LRRK2: variants seen among roughly 807,000 people sequenced by gnomAD.
LRRK2 encodes the protein leucine-rich repeat serine/threonine-protein kinase 2.
A neutral mutation model predicts 302.6 loss-of-function variants in LRRK2; 203 were observed. The ratio of observed to expected loss-of-function variants is 0.67; its 90% confidence interval spans 0.60 to 0.75. The LOEUF is 0.75. Among genes scored for constraint, LRRK2 ranks in the 30% least tolerant of loss-of-function variants. LRRK2 has a pLI of 0.00. For synonymous variants in LRRK2, 1,066 were observed against 1,031.9 expected (o/e 1.03, Z -0.63); for missense variants, 2,830 against 2,951.0 (o/e 0.96, Z 0.95).
At chr12:40,316,179 A>G (rs983578024) in intron 33 of LRRK2, 16 of 271,530 alleles carry the variant, frequency 5.9e-5, no homozygotes, top group African/African-American at 3.2e-4. Context: ...TAAAATTATT[A>G]TATATTTTTA....
rs368464589 is a variant in LRRK2, at chr12:40,234,342, C to G, written c.348-1284C>G. Among the ~76,000 whole-genome samples the G allele has an allele frequency of 2.9e-5, 4 of 139,354 alleles. No homozygotes were observed. In the East Asian group the frequency reaches 8.9e-4, roughly 31 times the overall value. The allele number at this position is 139,354 out of a possible 152,430, so 91.4% of individuals were successfully genotyped here. ...GGATTAAAATCTTATCTTGAACTAA[C>G]TAAACATTATTGATATGCTAAATTC... is the stretch of plus-strand genomic sequence containing the variant. On this transcript the variant is annotated intron_variant, in intron 3 of 50. Coordinates refer to ENST00000298910, the MANE Select transcript of LRRK2 (RefSeq NM_198578.4).
chr12:40,262,743 G>A (rs1252851077), intron 13 of LRRK2, among the ~76,000 whole-genome samples: 2 of 152,152 alleles, frequency 1.3e-5, no homozygotes, highest in Non-Finnish European at 2.9e-5. Context: ...ATTACATGTA[G>A]CATGATGTTT....
chr12:40,354,572 A>T (rs1798916079), intron 45 of LRRK2, 80 bp downstream of exon 45: 1 of 1,266,342 alleles, frequency 7.9e-7, no homozygotes, highest in Admixed American at 1.8e-5. Flanking sequence ...TTATTGCATC[A>T]GCAAAGATTG....
intron 28 of LRRK2, among the ~76,000 whole-genome samples, chr12:40,306,625 C>T (rs1467189080): frequency 6.6e-6 from 1 of 152,130 alleles, no homozygotes; most frequent in East Asian, 1.9e-4. Context: ...TTGCAGACCT[C>T]AGCTCTGTCA....
intron 38 of LRRK2, among the ~76,000 whole-genome samples, chr12:40,326,459 C>CTGA (rs1945553157): frequency 7.1e-6 from 1 of 140,174 alleles, no homozygotes; most frequent in Admixed American, 7.7e-5. Context: ...GAGCGAGACT[C>CTGA]TGTCTCAAAA....
intron 39 of LRRK2, among the ~76,000 whole-genome samples, chr12:40,332,217 T>C (rs1300120877): frequency 1.3e-5 from 2 of 152,074 alleles, no homozygotes; most frequent in East Asian, 3.9e-4. Flanking sequence ...GAGGCTGATG[T>C]TGGGGTCACT....
intron 34 of LRRK2, 43 bp downstream of exon 34, chr12:40,320,218 C>T (rs1241094279): frequency 1.4e-6 from 2 of 1,456,052 alleles, no homozygotes; most frequent in Admixed American, 1.7e-5. Context: ...TGGAAATTCA[C>T]TATCTATTCT....
chr12:40,304,502 A>G (rs1391470172), intron 27 of LRRK2: 2 of 234,264 alleles, frequency 8.5e-6, no homozygotes, highest in Non-Finnish European at 1.6e-5. Context: ...ACATTTGTAC[A>G]AAGTAAAAAT....
intron 14 of LRRK2, among the ~76,000 whole-genome samples, chr12:40,271,570 A>C (rs1460718383): frequency 6.6e-6 from 1 of 152,152 alleles, no homozygotes; most frequent in African/African-American, 2.4e-5. Flanking sequence ...GACACTGATA[A>C]ATTGATTTTA....
intron 39 of LRRK2, among the ~76,000 whole-genome samples, chr12:40,332,707 A>G (rs983847900): frequency 2.6e-5 from 4 of 152,190 alleles, no homozygotes; most frequent in Non-Finnish European, 4.4e-5. Context: ...CATTTTATAT[A>G]TAGAAGCTTA....
At chr12:40,256,152 A>G (rs1162057813) in intron 11 of LRRK2, among the ~76,000 whole-genome samples, 3 of 152,198 alleles carry the variant, frequency 2.0e-5, no homozygotes. Flanking sequence ...AGTTTATTAC[A>G]AAGAGGAAAA....
In LRRK2 at chr12:40,303,821, C is replaced by G. The variant is rs529245278; in HGVS notation, c.3591-127C>G. 8.9e-5 allele frequency: 77 copies of G among 869,404 alleles called. 2 individuals are homozygous for G. In the South Asian group the frequency reaches 1.1e-3, roughly 12 times the overall value. 53.9% of individuals were successfully genotyped at this position (869,404 alleles called of 1,614,324 possible). On this transcript the variant is annotated intron_variant, in intron 26 of 50. Transcript: ENST00000298910. ...CAGGCTCTCAAATCACATGCATACT[C>G]ATATGTCAATAATGCTAGTTTTGAC...
chr12:40,251,441 T>G (rs1361183627), intron 9 of LRRK2, 24 bp from the exon 10 acceptor site: 1 of 1,611,832 alleles, frequency 6.2e-7, no homozygotes, highest in South Asian at 1.1e-5. Context: ...TTTTGACAGA[T>G]TTCTTTTTTC....
At chr12:40,254,575 G>A (rs1942418010) in intron 11 of LRRK2, among the ~76,000 whole-genome samples, 1 of 152,198 alleles carries the variant, frequency 6.6e-6, no homozygotes, top group South Asian at 2.1e-4. Context: ...TTCTGTTGGG[G>A]CACCTTTAGA....
intron 42 of LRRK2, among the ~76,000 whole-genome samples, chr12:40,348,023 A>G (rs1393563261): frequency 6.6e-6 from 1 of 152,164 alleles, no homozygotes; most frequent in Non-Finnish European, 1.5e-5. Context: ...TAAAAAACAA[A>G]TGTGCACAAA....
At chr12:40,362,924 C>T (rs572658387) in intron 47 of LRRK2, among the ~76,000 whole-genome samples, 8 of 152,130 alleles carry the variant, frequency 5.3e-5, no homozygotes, top group Admixed American at 5.2e-4. Context: ...ATATCCCTTG[C>T]TTTAAAATTT....
In LRRK2 at chr12:40,298,403, A is replaced by G. The variant is rs1944463930; in HGVS notation, c.3257A>G (p.Lys1086Arg). 1.2e-6 allele frequency: 2 copies of G among 1,613,940 alleles called. No homozygotes were observed. The highest frequency in any genetic ancestry group is 1.7e-6 in the Non-Finnish European group (2 of 1,179,950). ...LDPTVKCPTL[K>R]QFNLSYNQLS... ...CCTACAGTGAAATGTCCAACTCTGAAACAGTTTAACCTGTCATATAACCAG... is the reference window on the plus strand; with the variant it reads ...CCTACAGTGAAATGTCCAACTCTGAGACAGTTTAACCTGTCATATAACCAG... Residue 1086 changes from lysine to arginine, a missense_variant, in exon 24 of 51, where the codon AAA (lysine) becomes AGA (arginine). Around this residue, in one of 3 missense-constraint regions of LRRK2, gnomAD observed 2,121 missense variants for 2,148.0 expected, o/e 0.99. Transcript: ENST00000298910.
Position 40,298,395 on chromosome 12 carries a change from A to G in LRRK2, c.3249A>G (p.Pro1083=). 1 of 1,613,964 alleles carries G rather than the reference A, an allele frequency of 6.2e-7. No individual in the cohort carries two copies. The highest frequency in any genetic ancestry group is 2.2e-5 in the East Asian group (1 of 44,848). ...SVVLDPTVKC[P]TLKQFNLSYN... ...TTTTAGATCCTACAGTGAAATGTCC[A>G]ACTCTGAAACAGTTTAACCTGTCAT... The change falls in exon 24 of 51, where the codon CCA becomes CCG. Residue 1083 remains proline (P), a synonymous_variant. Coordinates refer to ENST00000298910, the MANE Select transcript of LRRK2 (RefSeq NM_198578.4).
At chr12:40,364,414 G>GA (rs1946811516) in intron 48 of LRRK2, among the ~76,000 whole-genome samples, 1 of 151,814 alleles carries the variant, frequency 6.6e-6, no homozygotes, top group African/African-American at 2.4e-5. Flanking sequence ...CTGGTTCTGG[G>GA]AAAAAATTCA....
Sources: allele counts gnomAD v4.1 joint callset (sites outside exome capture counted in the v4.1 genomes callset), GRCh38; gene constraint gnomAD v4.1.1; regional missense constraint gnomAD v4.1.1; transcripts MANE v1.5; gene names NCBI Gene and HGNC (gene_info 2026-07-23, HGNC 2026-07-21).